EYS: variants seen among roughly 807,000 people sequenced by gnomAD.
EYS encodes the protein EGF-like photoreceptor maintenance factor.
Under a neutral mutation model 282.1 loss-of-function variants are expected in EYS, and 250 were observed. That is an observed-to-expected ratio of 0.89 (90% CI 0.80 to 0.98). The LOEUF (loss-of-function observed/expected upper bound fraction) is 0.98. Ranked by LOEUF, EYS falls within the 50% of genes least tolerant of loss-of-function variation. EYS has a pLI of 0.00. For synonymous variants in EYS, 1,355 were observed against 1,282.9 expected, an observed-to-expected ratio of 1.06 and a Z score of -1.20; for missense variants, 4,016 against 3,709.0, an observed-to-expected ratio of 1.08 and a Z score of -2.15.
chr6:65,430,323 C>A (rs1240154273), intron 5 of EYS, among the ~76,000 whole-genome samples: 3 of 152,148 alleles, frequency 2.0e-5, no homozygotes, highest in Non-Finnish European at 4.4e-5. Flanking sequence ...TCATCTGACA[C>A]CTGCCCACAA....
At chr6:65,458,128 A>G (rs945125764) in intron 5 of EYS, among the ~76,000 whole-genome samples, 1 of 152,138 alleles carries the variant, frequency 6.6e-6, no homozygotes, top group African/African-American at 2.4e-5. Context: ...CATCTTTGGA[A>G]TATAACTAGG....
chr6:65,107,610 T>C (rs1581915899), intron 12 of EYS, among the ~76,000 whole-genome samples: 1 of 151,788 alleles, frequency 6.6e-6, no homozygotes, highest in Non-Finnish European at 1.5e-5. Context: ...CCAGAGGCTG[T>C]GGTTTTACAG....
At chr6:64,676,600 G>C (rs1298496028) in intron 22 of EYS, among the ~76,000 whole-genome samples, 1 of 151,988 alleles carries the variant, frequency 6.6e-6, no homozygotes, top group Non-Finnish European at 1.5e-5. Flanking sequence ...CATACATTTT[G>C]TATATATATG....
intron 35 of EYS, among the ~76,000 whole-genome samples, chr6:63,921,348 G>A (rs1427520863): frequency 6.6e-6 from 1 of 152,232 alleles, no homozygotes; most frequent in Non-Finnish European, 1.5e-5. Context: ...CTCTGTCCAT[G>A]TTGTGCTGTT....
intron 12 of EYS, among the ~76,000 whole-genome samples, chr6:65,160,507 G>A (rs545522466): frequency 1.8e-4 from 27 of 150,756 alleles, no homozygotes; most frequent in Non-Finnish European, 3.3e-4. Flanking sequence ...AAAGTTGGGG[G>A]CACTTATCTT....
chr6:65,266,907 T>TATATAC lies in EYS; in HGVS notation c.2023+28955_2023+28956insGTATAT, dbSNP rs1554173012. ...GTGTGCATATATATATATATATATA[T>TATATAC]ACATCTTGAGACATATATATACACA... is the stretch of plus-strand genomic sequence containing the variant. On this transcript the variant is annotated intron_variant, in intron 12 of 42. Transcript: ENST00000503581. Among the ~76,000 whole-genome samples, 10 of 147,838 alleles carry TATATAC rather than the reference T, an allele frequency of 6.8e-5. No homozygotes were observed. The South Asian group carries it at 1.3e-3, about 19-fold the overall frequency.
intron 14 of EYS, among the ~76,000 whole-genome samples, chr6:64,985,524 T>C (rs1412463766): frequency 6.6e-6 from 1 of 151,578 alleles, no homozygotes; most frequent in Non-Finnish European, 1.5e-5. Flanking sequence ...TCTTCTTTTA[T>C]TGAAATTAAG....
intron 24 of EYS, among the ~76,000 whole-genome samples, chr6:64,600,239 C>G (rs993317642): frequency 6.9e-4 from 105 of 151,976 alleles, no homozygotes; most frequent in Non-Finnish European, 1.4e-3. Flanking sequence ...TTTTTTTCAA[C>G]TGTATGTCCA....
At chr6:65,262,141 C>G (rs560419643) in intron 12 of EYS, among the ~76,000 whole-genome samples, 236 of 152,040 alleles carry the variant, frequency 1.6e-3, no homozygotes, top group Admixed American at 2.7e-3. Context: ...TCCTAGCTAG[C>G]CTTCTGTTAA....
chr6:65,386,273 G>A (rs1481541026), intron 7 of EYS, among the ~76,000 whole-genome samples: 1 of 151,774 alleles, frequency 6.6e-6, no homozygotes, highest in African/African-American at 2.4e-5. Context: ...GGCTCAGAGA[G>A]GTTTGACCCA....
chr6:63,850,117 A>G (rs764282337), intron 36 of EYS, among the ~76,000 whole-genome samples: 15 of 152,216 alleles, frequency 9.9e-5, no homozygotes, highest in Admixed American at 9.8e-4. Flanking sequence ...CATGAAAACA[A>G]GATTAGAGAA....
chr6:65,338,613 A>T (rs1770081769), intron 10 of EYS, among the ~76,000 whole-genome samples: 1 of 151,054 alleles, frequency 6.6e-6, no homozygotes, highest in Non-Finnish European at 1.5e-5. Context: ...ATTGCACAAA[A>T]ACCTCAATAT....
chr6:64,632,497 C>T (rs1582975737), intron 22 of EYS, among the ~76,000 whole-genome samples: 1 of 145,828 alleles, frequency 6.9e-6, no homozygotes, highest in Admixed American at 6.9e-5. Flanking sequence ...ACATAAGAAA[C>T]TATAGTTCTG....
intron 22 of EYS, among the ~76,000 whole-genome samples, chr6:64,720,921 T>C (rs1771557355): frequency 6.6e-6 from 1 of 152,252 alleles, no homozygotes; most frequent in South Asian, 2.1e-4. Context: ...GCCTAAAATA[T>C]GCATCATAAG....
In EYS at chr6:64,466,881, A is replaced by G. The variant is rs543053312; in HGVS notation, c.5645-27529T>C. On this transcript the variant is annotated intron_variant, in intron 26 of 42. Coordinates refer to ENST00000503581, the MANE Select transcript of EYS (RefSeq NM_001142800.2). ...AGATATATACAATTTGTGTCATTTA[A>G]TATATTTAATTTAAAATTCTAAAAA... is the stretch of plus-strand genomic sequence containing the variant. Among the ~76,000 whole-genome samples, 31 of 152,210 alleles carry G rather than the reference A, an allele frequency of 2.0e-4. No homozygotes were observed. The East Asian group carries it at 5.0e-3, about 25-fold the overall frequency.
At chr6:64,070,403 A>G (rs776212333) in intron 32 of EYS, among the ~76,000 whole-genome samples, 6 of 152,124 alleles carry the variant, frequency 3.9e-5, no homozygotes, top group Non-Finnish European at 7.4e-5. Flanking sequence ...AATGTTAGAA[A>G]GCTCTCAAGT....
intron 22 of EYS, among the ~76,000 whole-genome samples, chr6:64,794,985 A>C (rs1254615390): frequency 6.6e-6 from 1 of 152,158 alleles, no homozygotes; most frequent in Non-Finnish European, 1.5e-5. Flanking sequence ...CTGTAATCCC[A>C]GCACTTTGGC....
intron 26 of EYS, among the ~76,000 whole-genome samples, chr6:64,502,514 G>T (rs1299264395): frequency 6.6e-6 from 1 of 152,150 alleles, no homozygotes; most frequent in Non-Finnish European, 1.5e-5. Context: ...GAGCCACTGC[G>T]CTCGGCCGGA....
chr6:63,779,085 T>A (rs1770139593), intron 39 of EYS: 1 of 151,668 alleles, frequency 6.6e-6, no homozygotes, highest in South Asian at 2.1e-4. Flanking sequence ...TTTTTTTTTT[T>A]AGGTAAAGAA....
Sources: gnomAD v4.1 joint callset for allele counts (sites outside exome capture counted in the v4.1 genomes callset) on GRCh38, gnomAD v4.1.1 for gene constraint, MANE v1.5 for transcripts, NCBI Gene and HGNC (gene_info 2026-07-23, HGNC 2026-07-21) for gene names.